WASHC2A: variants seen among roughly 807,000 people sequenced by gnomAD.
The protein encoded by WASHC2A is WASH complex subunit 2A.
WASHC2A carries 82 observed loss-of-function variants against 140.3 expected under a neutral mutation model. The ratio of observed to expected loss-of-function variants is 0.58; its 90% CI spans 0.49 to 0.70. The LOEUF (loss-of-function observed/expected upper bound fraction) is 0.70, where lower values mean the gene tolerates loss of function less well. Ranked by LOEUF, WASHC2A falls within the 30% of genes least tolerant of loss-of-function variation. The pLI, the probability that WASHC2A is intolerant of heterozygous loss-of-function variation, is 0.00. For synonymous variants in WASHC2A, 340 were observed against 560.8 expected (o/e 0.61, Z 5.56); for missense variants, 985 against 1,521.8 (o/e 0.65, Z 5.87).
At position 50,067,984 on chromosome 10, in the gene WASHC2A, C is replaced by A; in HGVS notation, c.-22C>A. ...TCGGCGTGTGCTGGCAGCTTCGGAG[C>A]CCACCGAGCCGGGCGGCTAGGATGG... On this transcript the variant is annotated 5_prime_UTR_variant, in exon 1 of 31. Transcript: ENST00000282633. 6.2e-7 allele frequency: 1 copy of A among 1,603,376 alleles called. No individual in the cohort carries two copies. The highest frequency in any genetic ancestry group is 8.5e-7 in the Non-Finnish European group (1 of 1,176,552).
At chr10:50,072,626 A>G (rs1837962527) in intron 3 of WASHC2A, among the ~76,000 whole-genome samples, 1 of 151,458 alleles carries the variant, frequency 6.6e-6, no homozygotes, top group South Asian at 2.1e-4. Flanking sequence ...AGCTGGGATG[A>G]CAGGCACCCG....
intron 23 of WASHC2A, 28 bp downstream of exon 23, chr10:50,119,797 T>G: frequency 6.2e-7 from 1 of 1,607,496 alleles, no homozygotes; most frequent in Non-Finnish European, 8.5e-7. Context: ...GTGGTTCAAG[T>G]CTCTGGATGA....
intron 17 of WASHC2A, among the ~76,000 whole-genome samples, chr10:50,102,215 A>C (rs1247249808): frequency 1.3e-5 from 2 of 152,188 alleles, no homozygotes; most frequent in Non-Finnish European, 2.9e-5. Flanking sequence ...ATTCTAAGGC[A>C]AGGAGAGGTA....
rs1437489529 is a variant in WASHC2A, at chr10:50,095,691, C to A, written c.1333C>A (p.Pro445Thr). Residue 445 changes from proline to threonine, a missense_variant, in exon 15 of 31, where the codon CCC becomes ACC. By Grantham distance (38) the Pro-to-Thr change is conservative. Transcript: ENST00000282633. ...QPTPRKSPYGPPPTGLFDDDD... is the reference protein window; with the variant it reads ...QPTPRKSPYGTPPTGLFDDDD... ...CACTCCAAGGAAAAGCCCCTATGGT[C>A]CCCCTCCCACTGGCCTCTTTGATGA... 17 of 1,610,068 alleles carry A rather than the reference C, an allele frequency of 1.1e-5. No individual in the cohort carries two copies. In the East Asian group the frequency reaches 3.1e-4, roughly 30 times the overall value.
intron 8 of WASHC2A, among the ~76,000 whole-genome samples, chr10:50,088,447 T>C (rs1839585161): frequency 6.6e-6 from 1 of 151,288 alleles, no homozygotes; most frequent in Non-Finnish European, 1.5e-5. Context: ...TTTGTATTTT[T>C]AGTGGAGTCA....
intron 5 of WASHC2A, among the ~76,000 whole-genome samples, chr10:50,081,698 T>C (rs1249647224): frequency 1.3e-5 from 2 of 151,806 alleles, no homozygotes; most frequent in African/African-American, 4.8e-5. Flanking sequence ...CATGGCACGA[T>C]GTTGGCTCAC....
At chr10:50,077,395 C>A (rs1429456377) in intron 3 of WASHC2A, among the ~76,000 whole-genome samples, 9 of 152,108 alleles carry the variant, frequency 5.9e-5, no homozygotes, top group Non-Finnish European at 1.3e-4. Flanking sequence ...AGCATACACA[C>A]CAGGCTTAAA....
At chr10:50,123,058 C>T (rs1589275834) in intron 23 of WASHC2A, among the ~76,000 whole-genome samples, 1 of 131,212 alleles carries the variant, frequency 7.6e-6, no homozygotes, top group East Asian at 2.1e-4. Context: ...ACTTCATACC[C>T]GGGAAGAGGA....
intron 26 of WASHC2A, chr10:50,126,451 A>G (rs1368369281): frequency 6.8e-6 from 2 of 293,882 alleles, no homozygotes; most frequent in South Asian, 5.9e-5. Context: ...AGGATGAAGA[A>G]TCTTCTTCCC....
At chr10:50,111,376 G>A (rs1471280498) in intron 20 of WASHC2A, among the ~76,000 whole-genome samples, 5 of 151,446 alleles carry the variant, frequency 3.3e-5, no homozygotes, top group African/African-American at 9.7e-5. Context: ...TGCATCTTTG[G>A]TCTCTGATTT....
Position 50,087,257 on chromosome 10 carries a change from C to T in WASHC2A, c.685-18C>T, listed in dbSNP as rs1226737212. 2.1e-5 allele frequency: 34 copies of T among 1,613,796 alleles called. No homozygotes were observed. In the African/African-American group the frequency reaches 3.9e-4, roughly 18 times the overall value. ...AGTAAAGCCCATTTAACAACAAAGC[C>T]TTTTCTTCCCCACAAAGGAGTCAGA... On this transcript the variant is annotated intron_variant, in intron 7 of 30. Coordinates refer to ENST00000282633, the MANE Select transcript of WASHC2A (RefSeq NM_001005751.3).
At chr10:50,128,603 C>A (rs1389113592) in intron 28 of WASHC2A, among the ~76,000 whole-genome samples, 4 of 152,218 alleles carry the variant, frequency 2.6e-5, no homozygotes, top group African/African-American at 9.6e-5. Flanking sequence ...TGTTTCCAAA[C>A]CTGTTTCCTT....
rs1554892511 is a variant in WASHC2A at position 50,118,073 on chromosome 10, C to T, written c.2295+15C>T. On this transcript the variant is annotated intron_variant, in intron 22 of 30. Coordinates refer to ENST00000282633, the MANE Select transcript of WASHC2A (RefSeq NM_001005751.3). ...AGTCAGAAAAGGTGGACTTTTTTCT[C>T]TTGTATACTTGAATGCATTTGTCTC... The T allele has an allele frequency of 3.7e-6, 6 of 1,607,520 alleles. No individual in the cohort carries two copies. The highest frequency in any genetic ancestry group is 1.7e-4 in the Middle Eastern group (1 of 6,034).
chr10:50,125,478 T>A (rs1554894652), intron 25 of WASHC2A, 29 bp downstream of exon 25: 13 of 1,606,024 alleles, frequency 8.1e-6, no homozygotes, highest in Non-Finnish European at 1.1e-5. Context: ...CAATACTGGG[T>A]TGTGTGGGAA....
chr10:50,126,413 A>C (rs1345627522), intron 26 of WASHC2A: 3 of 440,308 alleles, frequency 6.8e-6, no homozygotes, highest in Non-Finnish European at 1.2e-5. Flanking sequence ...ATGCCATGCC[A>C]GATTTAACTC....
intron 21 of WASHC2A, among the ~76,000 whole-genome samples, chr10:50,115,413 C>T (rs1186350475): frequency 8.0e-5 from 8 of 99,978 alleles, no homozygotes; most frequent in African/African-American, 2.6e-4. Context: ...GTGGGCCACA[C>T]GAGACACAGC....
chr10:50,127,552 A>G, intron 27 of WASHC2A, 31 bp from the exon 28 acceptor site: 1 of 1,593,796 alleles, frequency 6.3e-7, no homozygotes, highest in Non-Finnish European at 8.6e-7. Flanking sequence ...GTGTTGAAGA[A>G]CAAATACAGA....
chr10:50,071,566 A>G (rs1225025646), intron 3 of WASHC2A, among the ~76,000 whole-genome samples: 5 of 151,680 alleles, frequency 3.3e-5, no homozygotes, highest in African/African-American at 1.2e-4. Flanking sequence ...CGGCCTCCCA[A>G]AGTGCTGGGA....
chr10:50,090,097 C>T (rs1226396660), intron 8 of WASHC2A, among the ~76,000 whole-genome samples: 57 of 150,572 alleles, frequency 3.8e-4, no homozygotes, highest in African/African-American at 1.2e-3. Context: ...GCAAAAAGAG[C>T]GAAACTCCTT....
Sources: allele counts gnomAD v4.1 joint callset (sites outside exome capture counted in the v4.1 genomes callset), GRCh38; gene constraint gnomAD v4.1.1; transcripts MANE v1.5; gene names NCBI Gene and HGNC (gene_info 2026-07-23, HGNC 2026-07-21).